The following ARID1B variants were observed in gnomAD, a reference collection of about 807,000 sequenced individuals.
ARID1B encodes the protein AT-rich interaction domain 1B.
A neutral mutation model predicts 212.3 loss-of-function variants in ARID1B; 30 were observed. The observed-to-expected ratio is 0.14, with a 90% confidence interval of 0.11 to 0.19. The LOEUF (loss-of-function observed/expected upper bound fraction) is 0.19, where lower values mean the gene tolerates loss of function less well. Ranked by LOEUF, ARID1B falls within the 10% of genes least tolerant of loss-of-function variation. The pLI is 1.00. For synonymous variants in ARID1B, 1,402 were observed against 1,301.7 expected, an observed-to-expected ratio of 1.08 and a Z score of -1.66; for missense variants, 2,891 against 3,204.0, an observed-to-expected ratio of 0.90 and a Z score of 2.36.
intron 2 of ARID1B, among the ~76,000 whole-genome samples, chr6:156,875,192 C>T (rs938672636): frequency 6.6e-6 from 1 of 152,192 alleles, no homozygotes. Flanking sequence ...GAGCACTACA[C>T]CATCACACTG....
At chr6:156,809,038 G>A (rs1218450222) in intron 1 of ARID1B, among the ~76,000 whole-genome samples, 1 of 152,150 alleles carries the variant, frequency 6.6e-6, no homozygotes, top group Non-Finnish European at 1.5e-5. Flanking sequence ...TTGATTTGTT[G>A]ATTTGCTATT....
chr6:157,098,077 G>A (rs1417218793), intron 5 of ARID1B, among the ~76,000 whole-genome samples: 2 of 152,134 alleles, frequency 1.3e-5, no homozygotes, highest in Non-Finnish European at 2.9e-5. Context: ...AACAAAAAAG[G>A]AATCTTAGAA....
intron 3 of ARID1B, among the ~76,000 whole-genome samples, chr6:156,910,296 T>C (rs866195086): frequency 7.0e-4 from 107 of 152,214 alleles, no homozygotes; most frequent in African/African-American, 2.5e-3. Context: ...GGTTGCTATT[T>C]CTTAAAGGAG....
chr6:157,189,096 T>C (rs953859331), intron 13 of ARID1B, among the ~76,000 whole-genome samples: 1 of 152,262 alleles, frequency 6.6e-6, no homozygotes, highest in African/African-American at 2.4e-5. Context: ...TGAGAAGCTA[T>C]TGAAATGACA....
rs527781497 is a variant in ARID1B, at chr6:156,807,132, T to C, written c.1792-22095T>C. On this transcript the variant is annotated intron_variant, in intron 1 of 19. Coordinates refer to ENST00000636930, the MANE Select transcript of ARID1B (RefSeq NM_001374828.1). ...TTCCATTTCCAGTTCCGTCCAAGTA[T>C]TGTGCACCCCCCCACGCCCCACCCA... is the stretch of plus-strand genomic sequence containing the variant. Among the ~76,000 whole-genome samples the C allele has an allele frequency of 2.2e-5, 3 of 139,496 alleles. No individual in the cohort carries two copies. The South Asian group carries it at 6.9e-4, about 32-fold the overall frequency. The allele number at this position is 139,496 out of a possible 152,430, so 91.5% of individuals were successfully genotyped here.
intron 3 of ARID1B, among the ~76,000 whole-genome samples, chr6:156,920,857 TTTTC>T (rs1037970160): frequency 4.0e-5 from 6 of 151,168 alleles, no homozygotes; most frequent in African/African-American, 1.5e-4. Context: ...TGTTCTTTTC[TTTTC>T]TTTTTTTTTT....
chr6:156,968,340 TGAAAAATGTAATGTAAAGATATGAA>T (rs1356647133), intron 4 of ARID1B, among the ~76,000 whole-genome samples: 1 of 151,760 alleles, frequency 6.6e-6, no homozygotes, highest in Non-Finnish European at 1.5e-5. Flanking sequence ...TATCTATATC[TGAAAAATGTAATGTAAAGATATGAA>T]ACACTTGGGG....
intron 2 of ARID1B, among the ~76,000 whole-genome samples, chr6:156,855,274 G>A (rs1240227102): frequency 6.6e-6 from 1 of 152,174 alleles, no homozygotes; most frequent in Non-Finnish European, 1.5e-5. Flanking sequence ...CCATTAGCGA[G>A]CACATTGTTT....
intron 9 of ARID1B, chr6:157,168,569 A>G (rs963772926): frequency 1.3e-5 from 2 of 152,178 alleles, no homozygotes; most frequent in African/African-American, 4.8e-5. Flanking sequence ...CCACACAATC[A>G]GTTTTCACCT....
intron 12 of ARID1B, 44 bp downstream of exon 12, chr6:157,181,222 A>G (rs776373646): frequency 3.8e-6 from 6 of 1,599,800 alleles, no homozygotes; most frequent in East Asian, 2.2e-5. Flanking sequence ...AGCATTGTGG[A>G]TAAGTTCTTA....
At chr6:156,826,364 T>C (rs1408048285) in intron 1 of ARID1B, among the ~76,000 whole-genome samples, 2 of 152,242 alleles carry the variant, frequency 1.3e-5, no homozygotes, top group African/African-American at 2.4e-5. Context: ...GCCTTGGTGC[T>C]TTGTCCCTTC....
chr6:157,159,818 T>C (rs1790814522), intron 8 of ARID1B, among the ~76,000 whole-genome samples: 1 of 152,162 alleles, frequency 6.6e-6, no homozygotes, highest in Non-Finnish European at 1.5e-5. Flanking sequence ...CAGGGAGAAG[T>C]TCTATTCTGA....
At chr6:156,779,913 G>A (rs1177679324) in intron 1 of ARID1B, among the ~76,000 whole-genome samples, 3 of 152,150 alleles carry the variant, frequency 2.0e-5, no homozygotes, top group Non-Finnish European at 4.4e-5. Context: ...GTGCTTTAAC[G>A]GGGGAAAGAA....
At position 157,184,387 on chromosome 6, in the gene ARID1B, A is replaced by G. The variant is rs2128325756; in HGVS notation, c.3871A>G (p.Ser1291Gly). 6.2e-7 allele frequency: 1 copy of G among 1,614,192 alleles called. No individual in the cohort carries two copies. The highest frequency in any genetic ancestry group is 8.5e-7 in the Non-Finnish European group (1 of 1,180,042). The change falls in exon 13 of 20, where the codon AGC (serine) becomes GGC (glycine). Residue 1291 changes from serine (S) to glycine (G), a missense_variant. By Grantham distance (56) the Ser-to-Gly change is moderately conservative. Around this residue, in one of 7 missense-constraint regions of ARID1B, gnomAD observed 666 missense variants for 873.5 expected, o/e 0.76. Transcript: ENST00000636930. ...RGEEPPPEVF[S>G]TGDTKKQPKL... ...GGAGGAGCCCCCGCCGGAAGTCTTCAGCACCGGGGACACCAAAAAGCAGCC... is the reference window on the plus strand; with the variant it reads ...GGAGGAGCCCCCGCCGGAAGTCTTCGGCACCGGGGACACCAAAAAGCAGCC...
chr6:156,949,189 A>G (rs1023601360), intron 4 of ARID1B, among the ~76,000 whole-genome samples: 4 of 152,084 alleles, frequency 2.6e-5, no homozygotes, highest in African/African-American at 9.7e-5. Flanking sequence ...TATTTTTACT[A>G]CTTTTTTTGC....
intron 3 of ARID1B, among the ~76,000 whole-genome samples, chr6:156,906,624 T>A (rs926335565): frequency 3.5e-5 from 5 of 143,574 alleles, no homozygotes; most frequent in African/African-American, 1.0e-4. Context: ...ATTTTTGTCA[T>A]CAGCAAGTGG....
intron 4 of ARID1B, among the ~76,000 whole-genome samples, chr6:157,046,322 G>A (rs962887648): frequency 6.6e-6 from 1 of 152,146 alleles, no homozygotes; most frequent in African/African-American, 2.4e-5. Flanking sequence ...TGAAAGGCCT[G>A]GAGTGGCTGA....
At chr6:156,819,398 A>G (rs990548892) in intron 1 of ARID1B, among the ~76,000 whole-genome samples, 28 of 152,190 alleles carry the variant, frequency 1.8e-4, no homozygotes, top group African/African-American at 6.8e-4. Context: ...GATCTAACTT[A>G]CTCTCAAAAT....
At chr6:156,973,354 T>C (rs1307723995) in intron 4 of ARID1B, among the ~76,000 whole-genome samples, 2 of 152,206 alleles carry the variant, frequency 1.3e-5, no homozygotes, top group African/African-American at 4.8e-5. Flanking sequence ...GTTCCTATCA[T>C]GAAGCAGTAA....
Sources: gnomAD v4.1 joint callset for allele counts (sites outside exome capture counted in the v4.1 genomes callset) on GRCh38, gnomAD v4.1.1 for gene constraint, gnomAD v4.1.1 regional missense constraint, MANE v1.5 for transcripts, NCBI Gene and HGNC (gene_info 2026-07-23, HGNC 2026-07-21) for gene names.